HTR4: variants seen among roughly 807,000 people sequenced by gnomAD.
The protein encoded by HTR4 is 5-hydroxytryptamine receptor 4.
In HTR4, 16 loss-of-function variants were observed where a neutral mutation model predicts 36.8. The observed-to-expected ratio is 0.43, with a 90% CI of 0.29 to 0.66. The LOEUF is 0.66. Ranked by LOEUF, HTR4 falls within the 30% of genes least tolerant of loss-of-function variation. The pLI, the probability that HTR4 is intolerant of heterozygous loss-of-function variation, is 0.13. For synonymous variants in HTR4, 189 were observed against 185.1 expected (o/e 1.02, Z -0.17); for missense variants, 438 against 490.9 (o/e 0.89, Z 1.02).
intron 6 of HTR4, among the ~76,000 whole-genome samples, chr5:148,503,153 T>A (rs1352007876): frequency 6.6e-6 from 1 of 152,084 alleles, no homozygotes. Flanking sequence ...GCCACAAAGA[T>A]ACTCCTCGAG....
chr5:148,502,841 C>A (rs1180678303), intron 6 of HTR4, among the ~76,000 whole-genome samples: 1 of 152,110 alleles, frequency 6.6e-6, no homozygotes, highest in East Asian at 1.9e-4. Context: ...AACTACGTGA[C>A]AAATGCACAA....
At chr5:148,472,608 A>G (rs1294337383), downstream of HTR4, among the ~76,000 whole-genome samples, 1 of 152,170 alleles carries the variant, frequency 6.6e-6, no homozygotes, top group Non-Finnish European at 1.5e-5. Context: ...CCAGGGAACT[A>G]TGTCCTGTGG....
intron 6 of HTR4, among the ~76,000 whole-genome samples, chr5:148,493,138 C>T (rs1488469704): frequency 6.6e-6 from 1 of 152,138 alleles, no homozygotes; most frequent in Non-Finnish European, 1.5e-5. Context: ...TTTATTCTTG[C>T]TATTTTCCTG....
intron 2 of HTR4, among the ~76,000 whole-genome samples, chr5:148,596,101 T>C (rs1390274782): frequency 1.3e-5 from 2 of 152,198 alleles, no homozygotes; most frequent in African/African-American, 2.4e-5. Flanking sequence ...CAAATGCTAA[T>C]GAGAAGTCTA....
intron 2 of HTR4, among the ~76,000 whole-genome samples, chr5:148,603,272 A>C (rs2127271086): frequency 6.6e-6 from 1 of 152,216 alleles, no homozygotes; most frequent in South Asian, 2.1e-4. Flanking sequence ...TCTCCATGTT[A>C]ATAAAGGAGA....
At chr5:148,646,850 A>T (rs925881761) in intron 1 of HTR4, among the ~76,000 whole-genome samples, 2 of 152,338 alleles carry the variant, frequency 1.3e-5, no homozygotes, top group South Asian at 4.1e-4. Context: ...GGAGCTGCCC[A>T]AAGCAATTCC....
intron 2 of HTR4, among the ~76,000 whole-genome samples, chr5:148,591,696 A>G (rs1172729541): frequency 6.6e-6 from 1 of 152,216 alleles, no homozygotes; most frequent in Non-Finnish European, 1.5e-5. Flanking sequence ...AAGCATATGA[A>G]CAATACTCAG....
intron 4 of HTR4, among the ~76,000 whole-genome samples, chr5:148,532,013 G>T (rs933271810): frequency 6.6e-6 from 1 of 152,074 alleles, no homozygotes; most frequent in African/African-American, 2.4e-5. Flanking sequence ...TAACAATACT[G>T]GTCTATGTCA....
chr5:148,637,271 C>G (rs1403877732), intron 1 of HTR4, among the ~76,000 whole-genome samples: 1 of 152,062 alleles, frequency 6.6e-6, no homozygotes, highest in Non-Finnish European at 1.5e-5. Flanking sequence ...CCCTACTGAT[C>G]GCTTTGTGAT....
chr5:148,600,403 C>G (rs1353527408), intron 2 of HTR4, among the ~76,000 whole-genome samples: 1 of 148,950 alleles, frequency 6.7e-6, no homozygotes, highest in East Asian at 2.0e-4. Flanking sequence ...CTAAAGGAAG[C>G]TCTTAACTAG....
At chr5:148,588,657 C>T (rs1256872688) in intron 2 of HTR4, among the ~76,000 whole-genome samples, 4 of 149,756 alleles carry the variant, frequency 2.7e-5, no homozygotes, top group Non-Finnish European at 5.9e-5. Context: ...TCTCCTGCCT[C>T]AGCCTCCCGA....
chr5:148,527,715 A>C (rs564490663), intron 4 of HTR4, among the ~76,000 whole-genome samples: 1 of 152,098 alleles, frequency 6.6e-6, no homozygotes, highest in African/African-American at 2.4e-5. Context: ...CCCAGGCTCA[A>C]TTGATTCAGC....
chr5:148,467,798 T>C (rs1008249170), intron 5 of HTR4, among the ~76,000 whole-genome samples: 1 of 152,240 alleles, frequency 6.6e-6, no homozygotes, highest in African/African-American at 2.4e-5. Context: ...AACTTTAACA[T>C]ATGTTTTTAC....
At chr5:148,632,893 T>G (rs1273436479) in intron 2 of HTR4, among the ~76,000 whole-genome samples, 1 of 152,038 alleles carries the variant, frequency 6.6e-6, no homozygotes, top group Non-Finnish European at 1.5e-5. Flanking sequence ...AGGGCTGAAT[T>G]AAGTAGGGTG....
In HTR4 at chr5:148,509,909, A is replaced by G; in HGVS notation, c.623T>C (p.Met208Thr). Residue 208 changes from methionine (M) to threonine (T), a missense_variant, in exon 6 of 7, where the codon ATG becomes ACG. Physicochemically the swap from Met to Thr is moderately conservative, Grantham distance 81 (BLOSUM62 -1). Transcript: ENST00000377888. Reference sequence around the variant, plus strand: ...ATAGATGCGGTAATAGGCCAGCACCATGAGGAGAAATGGGATGTAGAAGGC... The same window carrying G: ...ATAGATGCGGTAATAGGCCAGCACCGTGAGGAGAAATGGGATGTAGAAGGC... ...VVAFYIPFLL[M>T]VLAYYRIYVT... The G allele has an allele frequency of 1.2e-6, 2 of 1,614,014 alleles. No homozygotes were observed. The highest frequency in any genetic ancestry group is 2.2e-5 in the South Asian group (2 of 91,078).
chr5:148,535,351 C>T (rs890104835), intron 4 of HTR4, among the ~76,000 whole-genome samples: 4 of 152,106 alleles, frequency 2.6e-5, no homozygotes, highest in Admixed American at 2.0e-4. Context: ...AATGACTGCA[C>T]CAGTTCTCCA....
intron 5 of HTR4, among the ~76,000 whole-genome samples, chr5:148,521,165 T>A (rs1346308196): frequency 6.6e-6 from 1 of 152,202 alleles, no homozygotes; most frequent in East Asian, 1.9e-4. Flanking sequence ...AGAATCCAGA[T>A]CATAGATTTT....
At chr5:148,651,692 TAATATTATTG>T (rs1311006687) in intron 1 of HTR4, among the ~76,000 whole-genome samples, 4 of 151,732 alleles carry the variant, frequency 2.6e-5, no homozygotes, top group African/African-American at 9.7e-5. Flanking sequence ...GTTACCTTAA[TAATATTATTG>T]AATATTATTG....
rs567382411 is a variant in HTR4 at position 148,614,121 on chromosome 5, G to C, written c.26+22868C>G. 2.2e-3 allele frequency among the ~76,000 whole-genome samples: 338 copies of C among 152,202 alleles called. 3 individuals are homozygous for C. The highest frequency in any genetic ancestry group is 8.0e-3 in the African/African-American group (331 of 41,506). On this transcript the variant is annotated intron_variant, in intron 2 of 6. Transcript: ENST00000377888. Reference sequence around the variant, plus strand: ...GCCATACTGCCCAAGGTAATTTACAGATTCAATGCCATCCCCATCAAGCTA... The same window carrying C: ...GCCATACTGCCCAAGGTAATTTACACATTCAATGCCATCCCCATCAAGCTA...
Sources: gnomAD v4.1 joint callset for allele counts (sites outside exome capture counted in the v4.1 genomes callset) on GRCh38, gnomAD v4.1.1 for gene constraint, MANE v1.5 for transcripts, NCBI Gene and HGNC (gene_info 2026-07-23, HGNC 2026-07-21) for gene names.